Variants in TMEM132D observed in about 807,000 individuals in gnomAD.
TMEM132D encodes mature OL transmembrane protein.
A neutral mutation model predicts 62.3 loss-of-function variants in TMEM132D; 21 were observed. The observed-to-expected ratio is 0.34, with a 90% CI of 0.24 to 0.49. The LOEUF is 0.49. TMEM132D is among the 20% of genes least tolerant of loss of function. TMEM132D has a pLI of 0.99. For synonymous variants in TMEM132D, 621 were observed against 575.6 expected (o/e 1.08, Z -1.13); for missense variants, 1,346 against 1,402.8 (o/e 0.96, Z 0.65).
chr12:129,775,481 T>C (rs2137286239), intron 1 of TMEM132D, among the ~76,000 whole-genome samples: 1 of 152,310 alleles, frequency 6.6e-6, no homozygotes. Context: ...CCCTGTTCAC[T>C]GGTTGAGTGT....
intron 2 of TMEM132D, among the ~76,000 whole-genome samples, chr12:129,536,453 A>G (rs4759588): frequency 0.16 from 24,477 of 152,164 alleles, 2,152 homozygotes; most frequent in Admixed American, 0.27. Flanking sequence ...ATATTGTGCA[A>G]TCACTCTTGG....
chr12:129,557,755 C>G (rs1321184638), intron 2 of TMEM132D, among the ~76,000 whole-genome samples: 1 of 152,102 alleles, frequency 6.6e-6, no homozygotes, highest in African/African-American at 2.4e-5. Flanking sequence ...AGTGATGGTT[C>G]TGACATTGAG....
At chr12:129,840,907 A>C (rs1401517276) in intron 1 of TMEM132D, among the ~76,000 whole-genome samples, 2 of 152,260 alleles carry the variant, frequency 1.3e-5, no homozygotes, top group Non-Finnish European at 2.9e-5. Context: ...GAAAGCATGA[A>C]ATGCTTAATA....
chr12:129,271,819 A>T (rs1264077730), intron 4 of TMEM132D, among the ~76,000 whole-genome samples: 1 of 151,852 alleles, frequency 6.6e-6, no homozygotes, highest in Non-Finnish European at 1.5e-5. Flanking sequence ...ATTGATGGGC[A>T]TTTAGGTTGC....
intron 4 of TMEM132D, among the ~76,000 whole-genome samples, chr12:129,330,647 G>A (rs746987964): frequency 5.9e-5 from 9 of 152,258 alleles, no homozygotes; most frequent in African/African-American, 9.6e-5. Flanking sequence ...ACTCTGCCCC[G>A]CTCCATGCGA....
intron 5 of TMEM132D, among the ~76,000 whole-genome samples, chr12:129,134,757 C>T (rs1222916020): frequency 6.6e-6 from 1 of 152,146 alleles, no homozygotes; most frequent in Non-Finnish European, 1.5e-5. Flanking sequence ...TGGTGTGGGG[C>T]ACTAGGCAAA....
chr12:129,265,678 A>C (rs189175550), intron 4 of TMEM132D, among the ~76,000 whole-genome samples: 4 of 151,796 alleles, frequency 2.6e-5, no homozygotes, highest in Non-Finnish European at 4.4e-5. Context: ...GGGCTCCTCA[A>C]CACCCTCCCA....
intron 4 of TMEM132D, among the ~76,000 whole-genome samples, chr12:129,281,626 C>T (rs1881155668): frequency 1.3e-5 from 2 of 152,024 alleles, no homozygotes; most frequent in African/African-American, 2.4e-5. Context: ...CTGACGCCCC[C>T]GTAGCAGACC....
intron 4 of TMEM132D, among the ~76,000 whole-genome samples, chr12:129,311,652 C>T (rs930330673): frequency 6.6e-6 from 1 of 152,130 alleles, no homozygotes; most frequent in Non-Finnish European, 1.5e-5. Context: ...ACGGGAAATA[C>T]AATGTTGTGA....
intron 1 of TMEM132D, among the ~76,000 whole-genome samples, chr12:129,721,655 C>T (rs1179933314): frequency 6.6e-6 from 1 of 152,154 alleles, no homozygotes; most frequent in East Asian, 1.9e-4. Context: ...CTGCTGGGGG[C>T]TTCAATGACA....
intron 1 of TMEM132D, among the ~76,000 whole-genome samples, chr12:129,876,181 C>A (rs1874411445): frequency 6.6e-6 from 1 of 151,866 alleles, no homozygotes; most frequent in Non-Finnish European, 1.5e-5. Context: ...TAGATTCTTA[C>A]TACTAAAGCA....
At chr12:129,739,924 T>C (rs1324311284) in intron 1 of TMEM132D, among the ~76,000 whole-genome samples, 1 of 152,188 alleles carries the variant, frequency 6.6e-6, no homozygotes, top group African/African-American at 2.4e-5. Context: ...CTTCTTTCAT[T>C]CTAAAGAACC....
At chr12:129,289,979 G>C (rs1333168967) in intron 4 of TMEM132D, among the ~76,000 whole-genome samples, 1 of 152,204 alleles carries the variant, frequency 6.6e-6, no homozygotes, top group Admixed American at 6.5e-5. Flanking sequence ...ACGCATGCCA[G>C]AAAAGGGATA....
At chr12:129,143,978 C>G (rs1876817686) in intron 5 of TMEM132D, among the ~76,000 whole-genome samples, 1 of 152,114 alleles carries the variant, frequency 6.6e-6, no homozygotes, top group South Asian at 2.1e-4. Context: ...CTTGGACCAT[C>G]TAATTGGGAG....
chr12:129,226,492 T>C (rs769949408), intron 4 of TMEM132D, among the ~76,000 whole-genome samples: 24 of 152,340 alleles, frequency 1.6e-4, no homozygotes, highest in Non-Finnish European at 2.8e-4. Context: ...CATCCCAGGA[T>C]GTGGTGTCAA....
Position 129,754,946 on chromosome 12 carries a change from G to A in TMEM132D, c.80-54248C>T, listed in dbSNP as rs1331503860. On this transcript the variant is annotated intron_variant, in intron 1 of 8. Transcript: ENST00000422113. ...CCACGTTTGTCACCACTACCACACGGTGACATCTAGGCATTTTCCTATAGC... is the reference window on the plus strand; with the variant it reads ...CCACGTTTGTCACCACTACCACACGATGACATCTAGGCATTTTCCTATAGC... Among the ~76,000 whole-genome samples, 4 of 152,150 alleles carry A rather than the reference G, an allele frequency of 2.6e-5. No homozygotes were observed. The South Asian group carries it at 6.2e-4, about 24-fold the overall frequency.
chr12:129,605,373 A>G (rs143742784), intron 2 of TMEM132D, among the ~76,000 whole-genome samples: 45 of 152,056 alleles, frequency 3.0e-4, no homozygotes, highest in African/African-American at 9.9e-4. Flanking sequence ...TCTCTGGAGA[A>G]CACCCATGCA....
chr12:129,656,490 A>G (rs1451945844), intron 2 of TMEM132D, among the ~76,000 whole-genome samples: 1 of 152,186 alleles, frequency 6.6e-6, no homozygotes, highest in Non-Finnish European at 1.5e-5. Flanking sequence ...CTCAGGACAC[A>G]GAGCTCGCTG....
At chr12:129,191,993 G>A (rs551338207) in intron 5 of TMEM132D, among the ~76,000 whole-genome samples, 6 of 152,290 alleles carry the variant, frequency 3.9e-5, no homozygotes, top group South Asian at 2.1e-4. Context: ...AATTCTGTAC[G>A]AAAGCTTCCA....
Sources: gnomAD v4.1 joint callset for allele counts (sites outside exome capture counted in the v4.1 genomes callset) on GRCh38, gnomAD v4.1.1 for gene constraint, MANE v1.5 for transcripts, NCBI Gene and HGNC (gene_info 2026-07-23, HGNC 2026-07-21) for gene names.